Variants in VAV3 observed in about 807,000 individuals in gnomAD.
VAV3 encodes guanine nucleotide exchange factor VAV3.
In VAV3, 94 loss-of-function variants were observed where a neutral mutation model predicts 131.2. The observed-to-expected ratio is 0.72, with a 90% CI of 0.61 to 0.85. The LOEUF is 0.85. Ranked by LOEUF, VAV3 falls within the 40% of genes least tolerant of loss-of-function variation. The probability of loss-of-function intolerance (pLI) is 0.00; values close to 1 mark genes in which losing one functional copy is unlikely to be tolerated. For synonymous variants in VAV3, 349 were observed against 342.0 expected, an observed-to-expected ratio of 1.02 and a Z score of -0.22; for missense variants, 939 against 1,002.7, an observed-to-expected ratio of 0.94 and a Z score of 0.86.
intron 12 of VAV3, among the ~76,000 whole-genome samples, chr1:107,753,177 G>A (rs533235836): frequency 1.8e-4 from 28 of 152,088 alleles, no homozygotes; most frequent in African/African-American, 6.7e-4. Context: ...GAACTTTGAA[G>A]ACATTATGCT....
chr1:107,789,886 A>C (rs1347548199), intron 2 of VAV3, among the ~76,000 whole-genome samples: 1 of 152,220 alleles, frequency 6.6e-6, no homozygotes, highest in East Asian at 1.9e-4. Context: ...TTGCAGTTAC[A>C]GCTCATGTCA....
intron 9 of VAV3, among the ~76,000 whole-genome samples, chr1:107,762,968 G>A (rs550481650): frequency 6.7e-4 from 102 of 152,200 alleles, no homozygotes; most frequent in African/African-American, 2.4e-3. Flanking sequence ...GAGATTCATC[G>A]CCCTTCACCC....
chr1:107,784,615 C>T (rs1233888301), intron 2 of VAV3, among the ~76,000 whole-genome samples: 1 of 152,062 alleles, frequency 6.6e-6, no homozygotes, highest in Non-Finnish European at 1.5e-5. Context: ...ATAAGCCGTG[C>T]CAGTGATCTG....
chr1:107,887,566 T>C (rs1388401126), intron 1 of VAV3, among the ~76,000 whole-genome samples: 1 of 152,212 alleles, frequency 6.6e-6, no homozygotes, highest in African/African-American at 2.4e-5. Flanking sequence ...AGAATACCCA[T>C]ATTTGAATAT....
At chr1:107,710,116 A>G (rs1660696519) in intron 15 of VAV3, among the ~76,000 whole-genome samples, 1 of 152,154 alleles carries the variant, frequency 6.6e-6, no homozygotes, top group South Asian at 2.1e-4. Context: ...CATTTTAGTA[A>G]TATAGTTATA....
chr1:107,737,213 A>G (rs1027683949), intron 15 of VAV3, among the ~76,000 whole-genome samples: 11 of 152,250 alleles, frequency 7.2e-5, no homozygotes, highest in African/African-American at 2.2e-4. Flanking sequence ...TTTAAGATGG[A>G]TTAAAAGCAT....
In VAV3 at chr1:107,631,383, C is replaced by T. The variant is rs1052306526; in HGVS notation, c.1914+11236G>A. 4.6e-5 allele frequency among the ~76,000 whole-genome samples: 7 copies of T among 152,070 alleles called. No homozygotes were observed. In the South Asian group the frequency reaches 1.0e-3, roughly 23 times the overall value. On this transcript the variant is annotated intron_variant, in intron 20 of 26. Transcript: ENST00000370056. ...ACAGTACATTTGTAAGATTATATAA[C>T]ATTAAAACTGGTAAAAGAATAAGAA... is the stretch of plus-strand genomic sequence containing the variant.
At chr1:107,799,815 T>C (rs1227598975) in intron 2 of VAV3, among the ~76,000 whole-genome samples, 1 of 152,192 alleles carries the variant, frequency 6.6e-6, no homozygotes, top group Non-Finnish European at 1.5e-5. Context: ...TGTATATCTG[T>C]AGCCATTAGC....
intron 23 of VAV3, 91 bp downstream of exon 23, chr1:107,602,956 G>T: frequency 2.2e-6 from 2 of 914,480 alleles, no homozygotes. Flanking sequence ...TTAGAACTTT[G>T]GTTTTCACCT....
At chr1:107,936,349 G>C (rs924174822) in intron 1 of VAV3, among the ~76,000 whole-genome samples, 10 of 152,092 alleles carry the variant, frequency 6.6e-5, no homozygotes, top group Admixed American at 3.9e-4. Context: ...GTTGTGCATA[G>C]TGTTAGAATT....
intron 2 of VAV3, among the ~76,000 whole-genome samples, chr1:107,789,317 A>G (rs772249537): frequency 2.0e-5 from 3 of 152,220 alleles, no homozygotes; most frequent in African/African-American, 2.4e-5. Context: ...ACTTCAAAGG[A>G]TGAAATGCAG....
intron 1 of VAV3, among the ~76,000 whole-genome samples, chr1:107,923,066 C>T (rs919665929): frequency 6.6e-6 from 1 of 151,968 alleles, no homozygotes; most frequent in African/African-American, 2.4e-5. Context: ...TCACCCTCAA[C>T]AGCTTGCAGA....
intron 21 of VAV3, among the ~76,000 whole-genome samples, chr1:107,612,639 G>C (rs1462067624): frequency 6.6e-6 from 1 of 152,040 alleles, no homozygotes; most frequent in African/African-American, 2.4e-5. Flanking sequence ...TGCATACTGA[G>C]TAATTTTATA....
chr1:107,925,519 G>A (rs1451030861), intron 1 of VAV3, among the ~76,000 whole-genome samples: 3 of 152,090 alleles, frequency 2.0e-5, no homozygotes, highest in Admixed American at 1.3e-4. Context: ...AGGAAATTCT[G>A]CCATATGCTA....
intron 2 of VAV3, among the ~76,000 whole-genome samples, chr1:107,863,521 C>T (rs775058398): frequency 1.4e-4 from 21 of 152,236 alleles, no homozygotes; most frequent in Non-Finnish European, 2.1e-4. Context: ...GGCCCTCATA[C>T]TCTGGCCCCA....
chr1:107,739,655 C>CA (rs753336765), intron 15 of VAV3, among the ~76,000 whole-genome samples: 15 of 152,172 alleles, frequency 9.9e-5, no homozygotes, highest in Non-Finnish European at 2.1e-4. Context: ...AATTTCTCAA[C>CA]AAAAAACAAT....
intron 20 of VAV3, among the ~76,000 whole-genome samples, 176 bp downstream of exon 20, chr1:107,642,443 C>T (rs1655410751): frequency 6.6e-6 from 1 of 152,178 alleles, no homozygotes; most frequent in South Asian, 2.1e-4. Flanking sequence ...AAATGGGCAA[C>T]CAGCAACCCT....
intron 19 of VAV3, among the ~76,000 whole-genome samples, chr1:107,674,500 G>A (rs1658053476): frequency 6.6e-6 from 1 of 152,166 alleles, no homozygotes; most frequent in African/African-American, 2.4e-5. Flanking sequence ...AGATCCCACT[G>A]CTAATTTGCA....
chr1:107,681,702 G>A (rs183080010), intron 19 of VAV3, among the ~76,000 whole-genome samples: 2 of 149,042 alleles, frequency 1.3e-5, no homozygotes, highest in African/African-American at 5.0e-5. Context: ...TCACCAGGCT[G>A]GAGTGCAGTG....
Sources: gnomAD v4.1 joint callset for allele counts (sites outside exome capture counted in the v4.1 genomes callset) on GRCh38, gnomAD v4.1.1 for gene constraint, MANE v1.5 for transcripts, NCBI Gene and HGNC (gene_info 2026-07-23, HGNC 2026-07-21) for gene names.